The following FHAD1 variants were observed in gnomAD, a reference collection of about 807,000 sequenced individuals.
FHAD1 encodes the protein forkhead-associated domain-containing protein 1.
FHAD1 carries 146 observed loss-of-function variants against 191.3 expected under a neutral mutation model. The observed-to-expected ratio is 0.76, with a 90% CI of 0.67 to 0.88. The LOEUF (loss-of-function observed/expected upper bound fraction) is 0.88. Among genes scored for constraint, FHAD1 ranks in the 40% least tolerant of loss-of-function variants. FHAD1 has a pLI of 0.00. For missense variants in FHAD1, 1,635 were observed against 1,785.8 expected, an observed-to-expected ratio of 0.92 and a Z score of 1.52; for synonymous variants, 616 against 672.3, an observed-to-expected ratio of 0.92 and a Z score of 1.29.
chr1:15,365,747 T>C (rs1558240960), intron 23 of FHAD1, 80 bp from the exon 24 acceptor site: 1 of 817,016 alleles, frequency 1.2e-6, no homozygotes, highest in Non-Finnish European at 2.0e-6. Flanking sequence ...TCTTTGCATT[T>C]GTACTTGGCC....
At chr1:15,243,797 G>A (rs1351566314), upstream of FHAD1, among the ~76,000 whole-genome samples, 1 of 152,238 alleles carries the variant, frequency 6.6e-6, no homozygotes, top group Admixed American at 6.5e-5. Flanking sequence ...TCAGAAGTGA[G>A]AGAAAGCAGT....
At chr1:15,258,447 T>C (rs899027137) in intron 2 of FHAD1, among the ~76,000 whole-genome samples, 1 of 152,228 alleles carries the variant, frequency 6.6e-6, no homozygotes. Context: ...TTTTGAAGGC[T>C]GAATAGTGGC....
intron 21 of FHAD1, 129 bp from the exon 22 acceptor site, chr1:15,360,348 AG>A (rs1245116741): frequency 1.6e-5 from 11 of 702,304 alleles, no homozygotes; most frequent in Non-Finnish European, 1.2e-5. Flanking sequence ...CACAGGGCAG[AG>A]GGAACTGCAT....
chr1:15,306,976 G>A (rs1442140687), intron 6 of FHAD1, among the ~76,000 whole-genome samples: 1 of 152,180 alleles, frequency 6.6e-6, no homozygotes, highest in African/African-American at 2.4e-5. Context: ...ATCCACCAAT[G>A]GCTTGAATCG....
chr1:15,385,415 G>T lies in FHAD1; in HGVS notation c.4189-2636G>T, dbSNP rs1303157708. Among the ~76,000 whole-genome samples, 3 of 151,924 alleles carry T rather than the reference G, an allele frequency of 2.0e-5. No individual in the cohort carries two copies. The South Asian group carries it at 6.2e-4, about 32-fold the overall frequency. On this transcript the variant is annotated intron_variant, in intron 31 of 33. Coordinates refer to ENST00000688493, the MANE Select transcript of FHAD1 (RefSeq NM_001391957.1). ...CTCACCTTGAGTTTCAGAACTATCCGCCCCTGACACACAGACAACCACTGT... is the reference window on the plus strand; with the variant it reads ...CTCACCTTGAGTTTCAGAACTATCCTCCCCTGACACACAGACAACCACTGT...
chr1:15,305,873 C>T (rs1182167035), intron 6 of FHAD1: 1 of 359,616 alleles, frequency 2.8e-6, no homozygotes, highest in Non-Finnish European at 5.5e-6. Flanking sequence ...GCTTTATCAG[C>T]AGTGTGAAAA....
chr1:15,283,468 C>T (rs973489036), intron 3 of FHAD1, among the ~76,000 whole-genome samples: 1 of 152,218 alleles, frequency 6.6e-6, no homozygotes, highest in South Asian at 2.1e-4. Context: ...CACAGATTAT[C>T]ATGAAATATA....
intron 1 of FHAD1, among the ~76,000 whole-genome samples, chr1:15,239,033 G>C (rs1645077656): frequency 6.6e-6 from 1 of 152,072 alleles, no homozygotes. Context: ...TCAGCCTCCA[G>C]AGTAGCTGAG....
chr1:15,313,251 G>T, intron 8 of FHAD1, 64 bp downstream of exon 8: 1 of 1,315,348 alleles, frequency 7.6e-7, no homozygotes, highest in Non-Finnish European at 1.0e-6. Flanking sequence ...GTGAAGTCAC[G>T]TGATATGCTT....
In FHAD1 at chr1:15,337,523, T is replaced by C. The variant is rs1275051268; in HGVS notation, c.1907-1958T>C. Among the ~76,000 whole-genome samples, 3 of 152,148 alleles carry C rather than the reference T, an allele frequency of 2.0e-5. No individual in the cohort carries two copies. The East Asian group carries it at 5.8e-4, about 29-fold the overall frequency. ...AGCTTATCACAGGCAACATCCAGGA[T>C]CGTCTGGCGACATTTTTGGTTGTCA... On this transcript the variant is annotated intron_variant, in intron 14 of 33. Transcript: ENST00000688493.
chr1:15,246,056 G>C (rs1488055062), upstream of FHAD1, among the ~76,000 whole-genome samples: 2 of 152,208 alleles, frequency 1.3e-5, no homozygotes, highest in African/African-American at 4.8e-5. Flanking sequence ...GTTCTGCACT[G>C]CTAGGGAGGC....
chr1:15,372,735 T>C (rs1054650341), intron 26 of FHAD1, among the ~76,000 whole-genome samples: 2 of 152,246 alleles, frequency 1.3e-5, no homozygotes, highest in African/African-American at 4.8e-5. Context: ...ACTGGTATTT[T>C]AAAAAGTATT....
chr1:15,252,761 G>C (rs577177812), intron 2 of FHAD1, among the ~76,000 whole-genome samples: 2 of 152,360 alleles, frequency 1.3e-5, no homozygotes, highest in East Asian at 3.9e-4. Flanking sequence ...CAAGCCCCGG[G>C]CTTAGCCTGG....
chr1:15,328,257 C>CTTTT lies in FHAD1; in HGVS notation c.1558-18_1558-15dup. On this transcript the variant is annotated intron_variant, in intron 12 of 33. Coordinates refer to ENST00000688493, the MANE Select transcript of FHAD1 (RefSeq NM_001391957.1). Reference sequence around the variant, plus strand: ...ATGTTACATCTTTTTTTTTTTTTTCCTTTTTCTTTTTCTCACCAGTTAATA... The same window carrying CTTTT: ...ATGTTACATCTTTTTTTTTTTTTTCCTTTTTTTTTCTTTTTCTCACCAGTTAATA... 1 of 1,169,126 alleles carries CTTTT rather than the reference C, an allele frequency of 8.6e-7. No homozygotes were observed. The highest frequency in any genetic ancestry group is 2.3e-5 in the South Asian group (1 of 43,698). 72.4% of individuals were successfully genotyped at this position (1,169,126 alleles called of 1,614,324 possible).
intron 23 of FHAD1, among the ~76,000 whole-genome samples, chr1:15,363,340 C>T (rs528584988): frequency 4.6e-5 from 7 of 152,326 alleles, no homozygotes; most frequent in Admixed American, 1.3e-4. Context: ...GTGACCCAAT[C>T]GCTTTATAAA....
At chr1:15,246,447 TAG>T (rs1646037874), upstream of FHAD1, among the ~76,000 whole-genome samples, 2 of 96,758 alleles carry the variant, frequency 2.1e-5, no homozygotes, top group South Asian at 3.5e-4. Flanking sequence ...ACTCTCCAGG[TAG>T]AGTCAGCAGG....
At chr1:15,337,449 GTC>G (rs1684676833) in intron 14 of FHAD1, among the ~76,000 whole-genome samples, 1 of 152,154 alleles carries the variant, frequency 6.6e-6, no homozygotes. Flanking sequence ...ATACCTGGGC[GTC>G]TCTCGGGCCC....
chr1:15,324,598 C>T, intron 11 of FHAD1, 39 bp downstream of exon 11: 1 of 1,409,006 alleles, frequency 7.1e-7, no homozygotes, highest in Non-Finnish European at 9.8e-7. Context: ...GGCCCACGCT[C>T]TCCAATGATT....
intron 23 of FHAD1, 82 bp downstream of exon 23, chr1:15,362,808 C>T: frequency 9.3e-7 from 1 of 1,071,650 alleles, no homozygotes. Flanking sequence ...CAGCCCCTAC[C>T]TGGGCCACAT....
Sources: allele counts gnomAD v4.1 joint callset (sites outside exome capture counted in the v4.1 genomes callset), GRCh38; gene constraint gnomAD v4.1.1; transcripts MANE v1.5; gene names NCBI Gene and HGNC (gene_info 2026-07-23, HGNC 2026-07-21).